Variants in NRIP1 observed in about 807,000 individuals in gnomAD.
NRIP1 encodes the protein nuclear receptor interacting protein 1.
Under a neutral mutation model 75.0 loss-of-function variants are expected in NRIP1, and 28 were observed. That is an observed-to-expected ratio of 0.37 (90% confidence interval 0.28 to 0.51). The LOEUF (loss-of-function observed/expected upper bound fraction) is 0.51. Among genes scored for constraint, NRIP1 ranks in the 20% least tolerant of loss-of-function variants. NRIP1 has a pLI of 0.92. For missense variants in NRIP1, 1,435 were observed against 1,343.7 expected (o/e 1.07, Z -1.06); for synonymous variants, 526 against 487.6 (o/e 1.08, Z -1.04).
chr21:14,998,819 A>G (rs2087789424), intron 3 of NRIP1, among the ~76,000 whole-genome samples: 1 of 152,238 alleles, frequency 6.6e-6, no homozygotes, highest in Non-Finnish European at 1.5e-5. Context: ...CATATAAAAT[A>G]CATGTCAATC....
intron 1 of NRIP1, among the ~76,000 whole-genome samples, chr21:15,044,848 C>T (rs1419290658): frequency 6.6e-6 from 1 of 152,142 alleles, no homozygotes; most frequent in Non-Finnish European, 1.5e-5. Flanking sequence ...TTGTTATTCT[C>T]CCTGTGTCTG....
intron 3 of NRIP1, among the ~76,000 whole-genome samples, chr21:14,985,210 C>A (rs1044825011): frequency 5.9e-5 from 9 of 152,178 alleles, no homozygotes; most frequent in Admixed American, 3.3e-4. Flanking sequence ...ATGCTGTAAA[C>A]AGCAAGTAAA....
At position 14,966,155 on chromosome 21, in the gene NRIP1, C is replaced by T. The variant is rs541238655; in HGVS notation, c.2038G>A (p.Ala680Thr). The T allele has an allele frequency of 3.0e-4, 482 of 1,613,382 alleles. 7 individuals carry two copies. The South Asian group carries it at 5.0e-3, about 17-fold the overall frequency. ...NSPLLSNKTN[A>T]VEENKAFSSQ... ...CTAAATGCTTTATTTTCTTCAACTG[C>T]ATTTGTTTTATTTGAGAGCAAAGGG... Residue 680 changes from alanine (A) to threonine (T), a missense_variant, in exon 4 of 4, where the codon GCA (alanine) becomes ACA (threonine). By Grantham distance (58) the Ala-to-Thr change is moderately conservative. Transcript: ENST00000318948.
At chr21:14,980,381 C>T (rs565525123) in intron 3 of NRIP1, among the ~76,000 whole-genome samples, 135 of 151,824 alleles carry the variant, frequency 8.9e-4, no homozygotes, top group African/African-American at 3.2e-3. Flanking sequence ...GGCTGAGGCA[C>T]GAGAATCGCT....
Position 14,964,021 on chromosome 21 carries a change from CTTT to C in NRIP1, c.*692_*694del, listed in dbSNP as rs776463156. On this transcript the variant is annotated 3_prime_UTR_variant, in exon 4 of 4. Transcript: ENST00000318948. ...TAAAATACAAAAAATGGAAATCTGC[CTTT>C]TTTTTAAAGGATCTATCAAACTTCC... 1 of 152,122 alleles carries C rather than the reference CTTT, an allele frequency of 6.6e-6. No homozygotes were observed. Among genetic ancestry groups the C allele is most frequent in the Non-Finnish European group, 1.5e-5 (1 of 67,894 alleles). The allele number at this position is 152,122 out of a possible 1,614,324, so 9.4% of individuals were successfully genotyped here.
chr21:15,032,714 A>G (rs935183394), intron 2 of NRIP1, among the ~76,000 whole-genome samples: 3 of 152,186 alleles, frequency 2.0e-5, no homozygotes, highest in Non-Finnish European at 4.4e-5. Flanking sequence ...TTCAGATCCA[A>G]TCCCTGCTTC....
chr21:15,058,080 G>A (rs556774578), intron 1 of NRIP1, among the ~76,000 whole-genome samples: 2 of 152,242 alleles, frequency 1.3e-5, no homozygotes, highest in South Asian at 4.1e-4. Flanking sequence ...TGTACAGTCA[G>A]AATTTTAGAA....
chr21:14,978,381 A>G (rs997589349), intron 3 of NRIP1, among the ~76,000 whole-genome samples: 2 of 152,208 alleles, frequency 1.3e-5, no homozygotes, highest in African/African-American at 4.8e-5. Flanking sequence ...TTCCGGGGGA[A>G]GGAAATGGTT....
At chr21:14,993,775 A>G (rs2087637797) in intron 3 of NRIP1, among the ~76,000 whole-genome samples, 2 of 151,872 alleles carry the variant, frequency 1.3e-5, no homozygotes, top group South Asian at 2.1e-4. Flanking sequence ...ACAGAGAGAG[A>G]TATGTCTCAA....
At chr21:15,026,423 C>G (rs969838402) in intron 2 of NRIP1, among the ~76,000 whole-genome samples, 2 of 152,146 alleles carry the variant, frequency 1.3e-5, no homozygotes, top group African/African-American at 2.4e-5. Context: ...ACAGAAACTT[C>G]TGATATATTA....
intron 2 of NRIP1, among the ~76,000 whole-genome samples, chr21:15,021,393 C>T (rs1293710025): frequency 1.3e-5 from 2 of 152,068 alleles, no homozygotes; most frequent in Admixed American, 6.6e-5. Context: ...AGCAGATCAC[C>T]TCCTGGGGCA....
At chr21:14,978,661 G>A (rs571200621) in intron 3 of NRIP1, among the ~76,000 whole-genome samples, 17 of 152,252 alleles carry the variant, frequency 1.1e-4, no homozygotes, top group Admixed American at 2.0e-4. Context: ...CCCCATAATT[G>A]ATACGGCAAA....
chr21:15,032,947 C>T (rs114094283), intron 2 of NRIP1, among the ~76,000 whole-genome samples: 2,536 of 152,186 alleles, frequency 0.017, 78 homozygotes, highest in African/African-American at 0.058. Flanking sequence ...AAATGATCAC[C>T]GGGCGCGGTG....
At chr21:15,051,496 A>G (rs963144684) in intron 1 of NRIP1, 1 of 152,360 alleles carries the variant, frequency 6.6e-6, no homozygotes, top group African/African-American at 2.4e-5. Flanking sequence ...TCCATTTAAA[A>G]TGTGAACACC....
chr21:14,964,535 C>T lies in NRIP1; in HGVS notation c.*181G>A. On this transcript the variant is annotated 3_prime_UTR_variant, in exon 4 of 4. Transcript: ENST00000318948. ...TGCTAGTTCAGTAGTTTCCTCATGACATCTAATGTTAAGCAAAAATTAGTA... is the reference window on the plus strand; with the variant it reads ...TGCTAGTTCAGTAGTTTCCTCATGATATCTAATGTTAAGCAAAAATTAGTA... 1 of 504,394 alleles carries T rather than the reference C, an allele frequency of 2.0e-6. No homozygotes were observed. Among genetic ancestry groups the T allele is most frequent in the Non-Finnish European group, 3.4e-6 (1 of 292,778 alleles). The allele number at this position is 504,394 out of a possible 1,614,324, so 31.2% of individuals were successfully genotyped here. A position where few individuals can be genotyped will look rare whatever the true frequency, so the allele number is the denominator to read the frequency against.
At chr21:15,025,064 GCC>G (rs915031434) in intron 2 of NRIP1, among the ~76,000 whole-genome samples, 9 of 152,260 alleles carry the variant, frequency 5.9e-5, no homozygotes, top group African/African-American at 1.9e-4. Flanking sequence ...GGGTATCAAT[GCC>G]CAAGTTGGAG....
intron 2 of NRIP1, among the ~76,000 whole-genome samples, chr21:15,015,666 C>T (rs921189403): frequency 1.3e-5 from 2 of 151,704 alleles, no homozygotes; most frequent in Non-Finnish European, 2.9e-5. Flanking sequence ...AAATATTATA[C>T]AAGAAAATTA....
intron 3 of NRIP1, among the ~76,000 whole-genome samples, chr21:15,005,343 A>G (rs1473451252): frequency 6.7e-6 from 1 of 149,528 alleles, no homozygotes; most frequent in Non-Finnish European, 1.5e-5. Context: ...ATTATTTCCT[A>G]CAGCAAAAAT....
rs1455900363 is a variant in NRIP1, at chr21:14,962,479, C to T, written c.*2237G>A. On this transcript the variant is annotated 3_prime_UTR_variant, in exon 4 of 4. Transcript: ENST00000318948. ...TGCTGGCCCTTGGTCTTTTCCCTGACCTAAATTTCACTCTCTTGTAAAAAG... is the reference window on the plus strand; with the variant it reads ...TGCTGGCCCTTGGTCTTTTCCCTGATCTAAATTTCACTCTCTTGTAAAAAG... The T allele has an allele frequency of 6.6e-6, 1 of 152,296 alleles. No homozygotes were observed. The highest frequency in any genetic ancestry group is 1.5e-5 in the Non-Finnish European group (1 of 67,894). The allele number at this position is 152,296 out of a possible 1,614,324, so 9.4% of individuals were successfully genotyped here.
Sources: allele counts gnomAD v4.1 joint callset (sites outside exome capture counted in the v4.1 genomes callset), GRCh38; gene constraint gnomAD v4.1.1; transcripts MANE v1.5; gene names NCBI Gene and HGNC (gene_info 2026-07-23, HGNC 2026-07-21).